TECRL: variants seen among roughly 807,000 people sequenced by gnomAD.
The protein encoded by TECRL is trans-2,3-enoyl-CoA reductase like.
A neutral mutation model predicts 52.8 loss-of-function variants in TECRL; 63 were observed. That is an observed-to-expected ratio of 1.19 (90% CI 0.97 to 1.47). The LOEUF (loss-of-function observed/expected upper bound fraction) is 1.47. TECRL is among the 40% of genes most tolerant of loss of function. TECRL has a pLI of 0.00. For synonymous variants in TECRL, 164 were observed against 141.9 expected, an observed-to-expected ratio of 1.16 and a Z score of -1.10; for missense variants, 482 against 429.6, an observed-to-expected ratio of 1.12 and a Z score of -1.08.
At chr4:64,342,854 A>T (rs946516848) in intron 2 of TECRL, among the ~76,000 whole-genome samples, 1 of 152,128 alleles carries the variant, frequency 6.6e-6, no homozygotes, top group Non-Finnish European at 1.5e-5. Context: ...AGGTGGAAGC[A>T]TTTCTGCTAA....
rs967175863 is a variant in TECRL, at chr4:64,375,138, A to G, written c.286+34T>C. ...TAAACCTATTTGAAAATAAAACATTATGATGTAAATTCTAAATAATATATA... is the reference window on the plus strand; with the variant it reads ...TAAACCTATTTGAAAATAAAACATTGTGATGTAAATTCTAAATAATATATA... On this transcript the variant is annotated intron_variant, in intron 2 of 11. Transcript: ENST00000381210. The G allele has an allele frequency of 3.7e-6, 4 of 1,076,660 alleles. No homozygotes were observed. The African/African-American group carries it at 6.8e-5, about 18-fold the overall frequency. 66.7% of individuals were successfully genotyped at this position (1,076,660 alleles called of 1,614,324 possible).
intron 2 of TECRL, among the ~76,000 whole-genome samples, chr4:64,369,682 A>G (rs1721853765): frequency 6.6e-6 from 1 of 151,964 alleles, no homozygotes; most frequent in African/African-American, 2.4e-5. Flanking sequence ...CAAGTTATAT[A>G]ATATTTCTTT....
chr4:64,310,791 G>A (rs1049696106), intron 5 of TECRL, among the ~76,000 whole-genome samples: 5 of 152,148 alleles, frequency 3.3e-5, no homozygotes, highest in African/African-American at 1.2e-4. Flanking sequence ...GCAGTGGCAT[G>A]ATCTCTCAGT....
chr4:64,395,699 C>T (rs1723897582), intron 1 of TECRL, among the ~76,000 whole-genome samples: 1 of 152,048 alleles, frequency 6.6e-6, no homozygotes, highest in African/African-American at 2.4e-5. Flanking sequence ...TGAGAGGGTA[C>T]ATGTGCAGGT....
intron 1 of TECRL, among the ~76,000 whole-genome samples, chr4:64,406,670 T>C (rs1181366267): frequency 2.0e-5 from 3 of 152,066 alleles, no homozygotes; most frequent in African/African-American, 7.2e-5. Context: ...TAACCCATAT[T>C]CTAAATAAGG....
intron 8 of TECRL, among the ~76,000 whole-genome samples, chr4:64,295,153 T>C (rs1400102421): frequency 1.3e-5 from 2 of 151,656 alleles, no homozygotes; most frequent in East Asian, 1.9e-4. Context: ...TTAAAAGAAA[T>C]ACATTTAGTG....
chr4:64,371,185 C>A (rs1215061129), intron 2 of TECRL, among the ~76,000 whole-genome samples: 3 of 151,302 alleles, frequency 2.0e-5, no homozygotes, highest in African/African-American at 7.3e-5. Context: ...CTTTTAACTA[C>A]AAACCCAGTA....
intron 8 of TECRL, among the ~76,000 whole-genome samples, chr4:64,297,287 GTTC>G (rs1173017409): frequency 2.0e-5 from 3 of 151,210 alleles, no homozygotes; most frequent in African/African-American, 4.8e-5. Context: ...ATTCAACATG[GTTC>G]TTCTATTATC....
chr4:64,379,268 A>G (rs1382571505), intron 1 of TECRL, among the ~76,000 whole-genome samples: 1 of 151,414 alleles, frequency 6.6e-6, no homozygotes, highest in African/African-American at 2.4e-5. Context: ...ACACACACAC[A>G]CACACACACA....
chr4:64,338,152 G>A (rs1719256835), intron 2 of TECRL, among the ~76,000 whole-genome samples: 1 of 152,044 alleles, frequency 6.6e-6, no homozygotes, highest in Non-Finnish European at 1.5e-5. Context: ...TCTGATCTTT[G>A]ACAAACCTGA....
chr4:64,288,724 C>A (rs1482074654), intron 9 of TECRL, among the ~76,000 whole-genome samples: 2 of 152,092 alleles, frequency 1.3e-5, no homozygotes, highest in Non-Finnish European at 2.9e-5. Flanking sequence ...CAGTCTGATC[C>A]ACCACAGCTT....
intron 2 of TECRL, among the ~76,000 whole-genome samples, chr4:64,333,485 A>G (rs1718798699): frequency 6.6e-6 from 1 of 152,196 alleles, no homozygotes; most frequent in African/African-American, 2.4e-5. Flanking sequence ...TGGCATGCAT[A>G]TGGATAATTC....
chr4:64,324,694 G>A (rs1415456862), intron 3 of TECRL, among the ~76,000 whole-genome samples: 2 of 151,460 alleles, frequency 1.3e-5, no homozygotes, highest in Non-Finnish European at 2.9e-5. Flanking sequence ...TGGTTCTCTG[G>A]GTACTTTATT....
At chr4:64,285,884 C>T (rs999433310) in intron 9 of TECRL, among the ~76,000 whole-genome samples, 1 of 151,952 alleles carries the variant, frequency 6.6e-6, no homozygotes, top group African/African-American at 2.4e-5. Flanking sequence ...GAAGCATGTT[C>T]TGGGATTCAA....
intron 1 of TECRL, among the ~76,000 whole-genome samples, chr4:64,386,854 C>G (rs1723207328): frequency 6.6e-6 from 1 of 152,122 alleles, no homozygotes; most frequent in African/African-American, 2.4e-5. Context: ...TGCCTTTACA[C>G]ATGCATAGCA....
At chr4:64,399,286 G>C (rs1482904756) in intron 1 of TECRL, among the ~76,000 whole-genome samples, 3 of 152,120 alleles carry the variant, frequency 2.0e-5, no homozygotes, top group Non-Finnish European at 4.4e-5. Flanking sequence ...CCTAATTTCA[G>C]ATGCAGTAGC....
intron 2 of TECRL, among the ~76,000 whole-genome samples, chr4:64,347,195 T>C (rs1188497176): frequency 1.3e-5 from 2 of 152,174 alleles, no homozygotes; most frequent in Admixed American, 6.5e-5. Flanking sequence ...GAGGCCATAG[T>C]GCAAAATAAT....
intron 1 of TECRL, among the ~76,000 whole-genome samples, chr4:64,379,810 T>C (rs1380845492): frequency 6.6e-6 from 1 of 152,148 alleles, no homozygotes; most frequent in African/African-American, 2.4e-5. Flanking sequence ...TCTATGTTGC[T>C]GCAAATAGTT....
chr4:64,289,217 C>A (rs1036140668), intron 9 of TECRL, among the ~76,000 whole-genome samples: 3 of 152,114 alleles, frequency 2.0e-5, no homozygotes, highest in Admixed American at 6.6e-5. Flanking sequence ...TTTGCACCAA[C>A]CTAAATATAC....
Sources: allele counts gnomAD v4.1 joint callset (sites outside exome capture counted in the v4.1 genomes callset), GRCh38; gene constraint gnomAD v4.1.1; transcripts MANE v1.5; gene names NCBI Gene and HGNC (gene_info 2026-07-23, HGNC 2026-07-21).